The following RELL1 variants were observed in gnomAD, a reference collection of about 807,000 sequenced individuals.
RELL1 encodes RELT-like protein 1.
In RELL1, 10 loss-of-function variants were observed where a neutral mutation model predicts 23.0. That is an observed-to-expected ratio of 0.43 (90% CI 0.27 to 0.74). The LOEUF is 0.74. Ranked by LOEUF, RELL1 falls within the 30% of genes least tolerant of loss-of-function variation. RELL1 has a pLI of 0.19. For synonymous variants in RELL1, 146 were observed against 146.8 expected, an observed-to-expected ratio of 0.99 and a Z score of 0.04; for missense variants, 315 against 364.4, an observed-to-expected ratio of 0.86 and a Z score of 1.10.
chr4:37,633,857 G>C (rs1297617049), intron 5 of RELL1, among the ~76,000 whole-genome samples: 1 of 152,186 alleles, frequency 6.6e-6, no homozygotes, highest in Non-Finnish European at 1.5e-5. Flanking sequence ...GTAACAGTTT[G>C]TAAGTAGTGG....
intron 1 of RELL1, among the ~76,000 whole-genome samples, chr4:37,649,729 A>AATGACCTTTGAAG (rs753290229): frequency 6.6e-6 from 1 of 152,260 alleles, no homozygotes; most frequent in Non-Finnish European, 1.5e-5. Context: ...CATTTTTTAA[A>AATGACCTTTGAAG]ACATCCTTTG....
At chr4:37,616,673 T>C (rs1008447285) in intron 6 of RELL1, among the ~76,000 whole-genome samples, 2 of 144,614 alleles carry the variant, frequency 1.4e-5, no homozygotes. Context: ...TGACCACTTT[T>C]AAATAAAATA....
At chr4:37,621,316 C>T (rs190515527) in intron 6 of RELL1, among the ~76,000 whole-genome samples, 42 of 152,066 alleles carry the variant, frequency 2.8e-4, no homozygotes, top group Admixed American at 2.5e-3. Flanking sequence ...ATCAGCCAGG[C>T]GTGGTGGTGG....
At chr4:37,614,938 C>A (rs769033575) in intron 6 of RELL1, among the ~76,000 whole-genome samples, 9 of 152,084 alleles carry the variant, frequency 5.9e-5, no homozygotes, top group Non-Finnish European at 8.8e-5. Flanking sequence ...ACAGATTTGA[C>A]CGGCTTTAAG....
intron 3 of RELL1, among the ~76,000 whole-genome samples, chr4:37,644,354 T>G (rs997428994): frequency 6.6e-6 from 1 of 151,980 alleles, no homozygotes; most frequent in East Asian, 1.9e-4. Context: ...TTTGAACAAG[T>G]GTCTTATCCT....
chr4:37,667,643 A>C (rs1389597067), intron 1 of RELL1, among the ~76,000 whole-genome samples: 1 of 151,672 alleles, frequency 6.6e-6, no homozygotes, highest in Non-Finnish European at 1.5e-5. Flanking sequence ...CACAGCAATA[A>C]ATCTACAATG....
chr4:37,657,235 G>C (rs142280794), intron 1 of RELL1, among the ~76,000 whole-genome samples: 4 of 152,294 alleles, frequency 2.6e-5, no homozygotes, highest in African/African-American at 9.6e-5. Flanking sequence ...ACAATCCACA[G>C]AAGCTCTTTG....
intron 6 of RELL1, among the ~76,000 whole-genome samples, chr4:37,603,841 CAG>C: frequency 6.6e-6 from 1 of 152,244 alleles, no homozygotes; most frequent in Non-Finnish European, 1.5e-5. Flanking sequence ...TTGTTTGAGA[CAG>C]AGTCTCACTC....
At chr4:37,636,413 A>G (rs6824145) in intron 4 of RELL1, among the ~76,000 whole-genome samples, 40,224 of 151,688 alleles carry the variant, frequency 0.27, 5,447 homozygotes, top group East Asian at 0.41. Flanking sequence ...GGCTAACACA[A>G]TGAAACCCCA....
At chr4:37,602,334 C>T (rs1188863399) in intron 6 of RELL1, among the ~76,000 whole-genome samples, 1 of 151,874 alleles carries the variant, frequency 6.6e-6, no homozygotes, top group Non-Finnish European at 1.5e-5. Context: ...TCTTCACCAG[C>T]CCCTAGCCCA....
intron 6 of RELL1, among the ~76,000 whole-genome samples, chr4:37,598,477 A>G (rs144635892): frequency 0.012 from 1,759 of 152,044 alleles, 46 homozygotes; most frequent in African/African-American, 0.041. Flanking sequence ...CAGTACTGCT[A>G]TGTGTTAAGC....
intron 4 of RELL1, among the ~76,000 whole-genome samples, chr4:37,637,045 G>C (rs1720355846): frequency 6.6e-6 from 1 of 152,152 alleles, no homozygotes; most frequent in African/African-American, 2.4e-5. Flanking sequence ...CTGAATGCAA[G>C]AGTTTAACAA....
At chr4:37,669,219 C>G in intron 1 of RELL1, among the ~76,000 whole-genome samples, 1 of 129,046 alleles carries the variant, frequency 7.7e-6, no homozygotes, top group East Asian at 2.2e-4. Flanking sequence ...CCAGCCGCCC[C>G]GTCCGGGAGG....
At chr4:37,592,470 A>G (rs1718668598) in intron 6 of RELL1, among the ~76,000 whole-genome samples, 1 of 152,172 alleles carries the variant, frequency 6.6e-6, no homozygotes, top group Admixed American at 6.5e-5. Context: ...CCATAACTAA[A>G]TGTCCTGATC....
chr4:37,662,939 C>T (rs1408204540), intron 1 of RELL1, among the ~76,000 whole-genome samples: 1 of 152,166 alleles, frequency 6.6e-6, no homozygotes, highest in African/African-American at 2.4e-5. Flanking sequence ...TCTGACCTGG[C>T]CTCACCCCAG....
exon 7 of RELL1, chr4:37,591,205 G>A (rs1460028090): frequency 2.0e-6 from 1 of 495,568 alleles, no homozygotes; most frequent in Non-Finnish European, 3.6e-6. Context: ...TAGATGAGCT[G>A]TCATTCAGGA....
At chr4:37,629,505 A>G (rs1720053467) in intron 6 of RELL1, among the ~76,000 whole-genome samples, 1 of 152,152 alleles carries the variant, frequency 6.6e-6, no homozygotes, top group Non-Finnish European at 1.5e-5. Context: ...GTTATTACCC[A>G]TCTTCATCAT....
intron 6 of RELL1, among the ~76,000 whole-genome samples, chr4:37,622,021 G>A (rs1719785380): frequency 6.6e-6 from 1 of 152,182 alleles, no homozygotes. Context: ...ATGTACTGGA[G>A]CCACTCCCAA....
In RELL1 at chr4:37,671,723, G is replaced by GCTAT. The variant is rs57826299; in HGVS notation, c.88+14476_88+14477insATAG. 9.4e-4 allele frequency among the ~76,000 whole-genome samples: 143 copies of GCTAT among 152,220 alleles called. No individual in the cohort carries two copies. In the East Asian group the frequency reaches 0.022, roughly 23 times the overall value. On this transcript the variant is annotated intron_variant, in intron 1 of 6. Transcript: ENST00000454158. ...AAAAATAGCCAACCAGCAGCCCCGA[G>GCTAT]GGCTGCTGTGGAATAGCCTGTGGAA...
Sources: allele counts gnomAD v4.1 joint callset (sites outside exome capture counted in the v4.1 genomes callset), GRCh38; gene constraint gnomAD v4.1.1; transcripts MANE v1.5; gene names NCBI Gene and HGNC (gene_info 2026-07-23, HGNC 2026-07-21).